TTLL11: variants seen among roughly 807,000 people sequenced by gnomAD.
TTLL11 encodes tubulin polyglutamylase TTLL11.
In TTLL11, 42 loss-of-function variants were observed where a neutral mutation model predicts 51.7. The ratio of observed to expected loss-of-function variants is 0.81; its 90% confidence interval spans 0.64 to 1.05. The LOEUF is 1.05. Among genes scored for constraint, TTLL11 ranks in the 50% least tolerant of loss-of-function variants. The probability of loss-of-function intolerance (pLI) is 0.00; values close to 1 mark genes in which losing one functional copy is unlikely to be tolerated. For missense variants in TTLL11, 799 were observed against 940.4 expected (o/e 0.85, Z 1.97); for synonymous variants, 381 against 383.5 (o/e 0.99, Z 0.08).
chr9:121,915,471 G>A, intron 6 of TTLL11, among the ~76,000 whole-genome samples: 1 of 152,256 alleles, frequency 6.6e-6, no homozygotes, highest in South Asian at 2.1e-4. Context: ...TCTCATGTTT[G>A]CTTATTCTGA....
intron 1 of TTLL11, among the ~76,000 whole-genome samples, 167 bp downstream of exon 1, chr9:122,092,520 G>A (rs1278296673): frequency 1.3e-5 from 2 of 152,202 alleles, no homozygotes. Flanking sequence ...ATTTTGGGGG[G>A]TAGGCCTTGA....
chr9:121,924,258 T>C (rs1182328481), intron 6 of TTLL11, among the ~76,000 whole-genome samples: 1 of 152,238 alleles, frequency 6.6e-6, no homozygotes, highest in African/African-American at 2.4e-5. Context: ...GTACAGTGCA[T>C]GGCCCATTGT....
chr9:121,853,220 T>C lies in TTLL11; in HGVS notation c.1840+7117A>G, dbSNP rs781537732. On this transcript the variant is annotated intron_variant, in intron 8 of 8. Coordinates refer to ENST00000321582, the MANE Select transcript of TTLL11 (RefSeq NM_001139442.2). This position sits in a 1 kb window ranked among gnomAD's most constrained non-coding sequence, Gnocchi z 5.6. ...GGGACATGTGTAGCAGGGCACCTGC[T>C]AGATGCCAGTCTCAGTGCTTGGCCT... 7.2e-5 allele frequency among the ~76,000 whole-genome samples: 11 copies of C among 152,152 alleles called. No individual in the cohort carries two copies. The highest frequency in any genetic ancestry group is 1.0e-4 in the Non-Finnish European group (7 of 68,024).
intron 6 of TTLL11, among the ~76,000 whole-genome samples, chr9:121,931,406 C>A (rs1840962185): frequency 6.6e-6 from 1 of 152,060 alleles, no homozygotes; most frequent in African/African-American, 2.4e-5. Flanking sequence ...TCTCCAGTTT[C>A]TTTCTCCCAC....
intron 6 of TTLL11, among the ~76,000 whole-genome samples, chr9:121,916,566 A>G (rs949352252): frequency 4.6e-5 from 7 of 152,252 alleles, no homozygotes; most frequent in African/African-American, 1.7e-4. Flanking sequence ...GCAAACCAGA[A>G]TAAAACAGAA....
At chr9:121,906,675 A>AG (rs924668444) in intron 6 of TTLL11, among the ~76,000 whole-genome samples, 2 of 152,028 alleles carry the variant, frequency 1.3e-5, no homozygotes, top group African/African-American at 4.8e-5. Flanking sequence ...GGAAAGGGAA[A>AG]GGGGAAAGGG....
chr9:122,030,237 A>T (rs1307164992), intron 3 of TTLL11, among the ~76,000 whole-genome samples: 1 of 146,700 alleles, frequency 6.8e-6, no homozygotes, highest in African/African-American at 2.5e-5. Context: ...AACAGCTGAG[A>T]GTTATCTTTT....
chr9:121,846,544 C>T (rs906192792), intron 8 of TTLL11, among the ~76,000 whole-genome samples: 1 of 151,968 alleles, frequency 6.6e-6, no homozygotes, highest in African/African-American at 2.4e-5. Flanking sequence ...CAAAACACAC[C>T]TTTTTAACAC....
In TTLL11 at chr9:121,871,248, T is replaced by G. The variant is rs74958981; in HGVS notation, c.1482-500A>C. ...TGTTTTTTTTTTTTAAATTTGGAATTCATACAAAAAATGATTATAGTGTAG... is the reference window on the plus strand; with the variant it reads ...TGTTTTTTTTTTTTAAATTTGGAATGCATACAAAAAATGATTATAGTGTAG... On this transcript the variant is annotated intron_variant, in intron 6 of 8. Coordinates refer to ENST00000321582, the MANE Select transcript of TTLL11 (RefSeq NM_001139442.2). Among the ~76,000 whole-genome samples, 627 of 151,816 alleles carry G rather than the reference T, an allele frequency of 4.1e-3. 5 individuals are homozygous for G. Among genetic ancestry groups the G allele is most frequent in the African/African-American group, 0.013 (539 of 41,466 alleles).
intron 1 of TTLL11, among the ~76,000 whole-genome samples, chr9:122,044,519 G>T (rs934877701): frequency 2.0e-5 from 3 of 151,800 alleles, no homozygotes; most frequent in South Asian, 2.1e-4. Flanking sequence ...CTCTAGCACC[G>T]GTTGTTTCCT....
Position 121,940,411 on chromosome 9 carries a change from CACCACA to C in TTLL11, c.1481+33592_1481+33597del, listed in dbSNP as rs570567033. ...GGAGTGCAGTGGTATGATCTCGGCT[CACCACA>C]ACCTCTGCCTCCCAGGTTCAAGCGA... On this transcript the variant is annotated intron_variant, in intron 6 of 8. Coordinates refer to ENST00000321582, the MANE Select transcript of TTLL11 (RefSeq NM_001139442.2). Among the ~76,000 whole-genome samples, 18 of 151,944 alleles carry C rather than the reference CACCACA, an allele frequency of 1.2e-4. 1 individual carries two copies. In the East Asian group the frequency reaches 3.5e-3, roughly 29 times the overall value.
chr9:122,037,287 C>T (rs1053254052), intron 2 of TTLL11, among the ~76,000 whole-genome samples: 2 of 152,122 alleles, frequency 1.3e-5, no homozygotes, highest in Admixed American at 1.3e-4. Flanking sequence ...TTCTGAGCAG[C>T]AAGACACAAA....
At chr9:121,874,765 T>TTG (rs956361808) in intron 6 of TTLL11, among the ~76,000 whole-genome samples, 1 of 151,614 alleles carries the variant, frequency 6.6e-6, no homozygotes, top group Admixed American at 6.6e-5. Context: ...AATTTTTTTT[T>TTG]TTTTTTTTTG....
intron 1 of TTLL11, among the ~76,000 whole-genome samples, chr9:122,051,299 T>A (rs1845148929): frequency 6.6e-6 from 1 of 152,174 alleles, no homozygotes; most frequent in South Asian, 2.1e-4. Flanking sequence ...TCAATTCGAC[T>A]AAGGGGGATG....
chr9:121,919,793 C>T (rs1840457390), intron 6 of TTLL11, among the ~76,000 whole-genome samples: 1 of 143,090 alleles, frequency 7.0e-6, no homozygotes, highest in African/African-American at 2.6e-5. Context: ...GGAAGGATCA[C>T]TTGAGGCCAG....
intron 1 of TTLL11, among the ~76,000 whole-genome samples, chr9:122,077,870 A>C (rs1190141410): frequency 2.6e-5 from 4 of 151,902 alleles, no homozygotes; most frequent in Admixed American, 1.3e-4. Context: ...AGGAGGAAGG[A>C]AAGAAAAAAC....
chr9:121,919,939 G>C (rs1198157121), intron 6 of TTLL11, among the ~76,000 whole-genome samples: 1 of 150,646 alleles, frequency 6.6e-6, no homozygotes, highest in African/African-American at 2.4e-5. Flanking sequence ...CTTTAATACT[G>C]TTTAACTTTG....
chr9:121,981,963 C>T (rs1037181615), intron 4 of TTLL11, among the ~76,000 whole-genome samples: 2 of 152,180 alleles, frequency 1.3e-5, no homozygotes, highest in Non-Finnish European at 2.9e-5. Flanking sequence ...GATTAACCCT[C>T]CATATATGCA....
At chr9:122,082,923 G>A (rs1320102532) in intron 1 of TTLL11, among the ~76,000 whole-genome samples, 1 of 152,088 alleles carries the variant, frequency 6.6e-6, no homozygotes, top group Non-Finnish European at 1.5e-5. Context: ...CTCCTGGGGG[G>A]CGAGGGTTGC....
Sources: allele counts gnomAD v4.1 joint callset (sites outside exome capture counted in the v4.1 genomes callset), GRCh38; gene constraint gnomAD v4.1.1; non-coding constraint Gnocchi (gnomAD v3.1); transcripts MANE v1.5; gene names NCBI Gene and HGNC (gene_info 2026-07-23, HGNC 2026-07-21).